The following KREMEN1 variants were observed in gnomAD, a reference collection of about 807,000 sequenced individuals.
The protein encoded by KREMEN1 is kremen protein 1.
KREMEN1 carries 30 observed loss-of-function variants against 46.5 expected under a neutral mutation model. That is an observed-to-expected ratio of 0.65 (90% CI 0.48 to 0.88). The LOEUF is 0.88. Ranked by LOEUF, KREMEN1 falls within the 40% of genes least tolerant of loss-of-function variation. KREMEN1 has a pLI of 0.00. For missense variants in KREMEN1, 533 were observed against 596.9 expected (o/e 0.89, Z 1.11); for synonymous variants, 214 against 230.6 (o/e 0.93, Z 0.65).
At chr22:29,123,392 A>G (rs548605442) in intron 4 of KREMEN1, among the ~76,000 whole-genome samples, 26 of 152,298 alleles carry the variant, frequency 1.7e-4, no homozygotes, top group Non-Finnish European at 3.1e-4. Flanking sequence ...AAAACTGAAC[A>G]AAGCAATTTA....
intron 5 of KREMEN1, among the ~76,000 whole-genome samples, chr22:29,128,270 G>A (rs1013620545): frequency 1.5e-4 from 23 of 152,150 alleles, no homozygotes; most frequent in Non-Finnish European, 2.9e-4. Context: ...AGGTTTATCA[G>A]GGTATTAAAT....
intron 3 of KREMEN1, chr22:29,099,269 A>T (rs1025945080): frequency 8.9e-6 from 2 of 224,810 alleles, no homozygotes; most frequent in Non-Finnish European, 1.8e-5. Flanking sequence ...TAGGGGAGAA[A>T]AATATCTTGT....
exon 10 of KREMEN1, chr22:29,167,959 C>T (rs1334003237): frequency 6.6e-6 from 1 of 152,314 alleles, no homozygotes; most frequent in African/African-American, 2.4e-5. Flanking sequence ...GGATGTGTAC[C>T]TGGTGGATGG....
At chr22:29,162,644 G>A (rs1243917858) in intron 9 of KREMEN1, among the ~76,000 whole-genome samples, 3 of 152,036 alleles carry the variant, frequency 2.0e-5, no homozygotes, top group Non-Finnish European at 4.4e-5. Context: ...CCCTGGAGGT[G>A]GAGGCTGCAG....
chr22:29,123,672 C>A (rs1263406952), intron 4 of KREMEN1, among the ~76,000 whole-genome samples: 1 of 152,128 alleles, frequency 6.6e-6, no homozygotes, highest in East Asian at 1.9e-4. Flanking sequence ...CACCTGTAGT[C>A]CCAGTTACTC....
At chr22:29,100,232 C>T (rs1016434015) in intron 3 of KREMEN1, among the ~76,000 whole-genome samples, 1 of 151,970 alleles carries the variant, frequency 6.6e-6, no homozygotes, top group African/African-American at 2.4e-5. Context: ...TCTCCTGCCT[C>T]AGCCTCCCGA....
chr22:29,155,511 G>A (rs1337501410), intron 9 of KREMEN1, among the ~76,000 whole-genome samples: 1 of 152,104 alleles, frequency 6.6e-6, no homozygotes, highest in African/African-American at 2.4e-5. Context: ...CTCCAGCCTG[G>A]GCAACAGAGT....
chr22:29,122,476 T>C (rs1184055979), intron 4 of KREMEN1, among the ~76,000 whole-genome samples: 1 of 152,160 alleles, frequency 6.6e-6, no homozygotes, highest in African/African-American at 2.4e-5. Context: ...CCAAGATAAA[T>C]GAAAACCTGT....
At chr22:29,147,398 C>T (rs889252979), downstream of KREMEN1, among the ~76,000 whole-genome samples, 1 of 152,212 alleles carries the variant, frequency 6.6e-6, no homozygotes, top group African/African-American at 2.4e-5. Flanking sequence ...ACTCTGCTGG[C>T]AGACACTGTG....
At chr22:29,123,071 A>C (rs2038384353) in intron 4 of KREMEN1, among the ~76,000 whole-genome samples, 1 of 152,078 alleles carries the variant, frequency 6.6e-6, no homozygotes, top group African/African-American at 2.4e-5. Flanking sequence ...TCCCAAATCT[A>C]ACTGTAAAAT....
chr22:29,160,835 G>A (rs937349232), intron 9 of KREMEN1, among the ~76,000 whole-genome samples: 3 of 152,108 alleles, frequency 2.0e-5, no homozygotes, highest in African/African-American at 7.2e-5. Flanking sequence ...ACAAGAACAA[G>A]CTAACCCAGA....
intron 2 of KREMEN1, 68 bp downstream of exon 2, chr22:29,094,488 C>T (rs944555572): frequency 2.1e-6 from 3 of 1,398,632 alleles, no homozygotes; most frequent in East Asian, 2.4e-5. Flanking sequence ...CAACCCCTTT[C>T]ATCCCAGCTC....
chr22:29,128,910 A>G (rs1057472381), intron 5 of KREMEN1, among the ~76,000 whole-genome samples: 1 of 152,220 alleles, frequency 6.6e-6, no homozygotes, highest in Admixed American at 6.5e-5. Context: ...GATCATAATA[A>G]CGGATCCAGT....
At chr22:29,150,282 C>T (rs1424487551), downstream of KREMEN1, among the ~76,000 whole-genome samples, 2 of 151,464 alleles carry the variant, frequency 1.3e-5, no homozygotes, top group Non-Finnish European at 3.0e-5. Context: ...ACGCCCATCT[C>T]CAGGACAGCT....
intron 4 of KREMEN1, 85 bp downstream of exon 4, chr22:29,121,566 G>A (rs981555031): frequency 6.8e-7 from 1 of 1,461,166 alleles, no homozygotes; most frequent in Non-Finnish European, 9.5e-7. Flanking sequence ...TAAGTGCTAA[G>A]TAAAATAAGC....
chr22:29,118,810 G>A (rs905193954), intron 3 of KREMEN1, among the ~76,000 whole-genome samples: 6 of 152,112 alleles, frequency 3.9e-5, no homozygotes, highest in Non-Finnish European at 8.8e-5. Flanking sequence ...ACCAGATATA[G>A]GGATTTGTCT....
intron 3 of KREMEN1, among the ~76,000 whole-genome samples, chr22:29,113,661 C>T (rs2038186577): frequency 6.6e-6 from 1 of 152,146 alleles, no homozygotes; most frequent in African/African-American, 2.4e-5. Flanking sequence ...ATGGAGAGGC[C>T]AGAATTTACC....
In KREMEN1 at chr22:29,137,337, T is replaced by C. The variant is rs2038677596; in HGVS notation, c.632-5T>C. On this transcript the variant is annotated splice_polypyrimidine_tract_variant and splice_region_variant and intron_variant, in intron 5 of 8. Coordinates refer to ENST00000400335, the MANE Select transcript of KREMEN1 (RefSeq NM_001039570.3). ...GAGGGCGTGGTGTCTTTTTCTCTCC[T>C]ACAGCTCTCGTGGGCGCCTGCGGTG... The C allele has an allele frequency of 6.8e-7, 1 of 1,472,118 alleles. No homozygotes were observed. Among genetic ancestry groups the C allele is most frequent in the Non-Finnish European group, 9.0e-7 (1 of 1,105,276 alleles). 91.2% of individuals were successfully genotyped at this position (1,472,118 alleles called of 1,614,324 possible).
chr22:29,130,065 T>G (rs1363596774), intron 5 of KREMEN1, among the ~76,000 whole-genome samples: 1 of 152,258 alleles, frequency 6.6e-6, no homozygotes, highest in Non-Finnish European at 1.5e-5. Context: ...GACCTTATTT[T>G]GTAGCATTAG....
Sources: allele counts gnomAD v4.1 joint callset (sites outside exome capture counted in the v4.1 genomes callset), GRCh38; gene constraint gnomAD v4.1.1; transcripts MANE v1.5; gene names NCBI Gene and HGNC (gene_info 2026-07-23, HGNC 2026-07-21).